The following ACSM3 variants were observed in gnomAD, a reference collection of about 807,000 sequenced individuals.
The protein encoded by ACSM3 is acyl-CoA synthetase medium chain family member 3, also known as acyl-coenzyme A synthetase ACSM3, mitochondrial.
A neutral mutation model predicts 74.1 loss-of-function variants in ACSM3; 61 were observed. The observed-to-expected ratio is 0.82, with a 90% CI of 0.67 to 1.02. The LOEUF is 1.02. Ranked by LOEUF, ACSM3 falls within the 50% of genes least tolerant of loss-of-function variation. The pLI, the probability that ACSM3 is intolerant of heterozygous loss-of-function variation, is 0.00. For missense variants in ACSM3, 660 were observed against 697.0 expected (o/e 0.95, Z 0.60); for synonymous variants, 213 against 241.5 (o/e 0.88, Z 1.09).
chr16:20,693,147 GCA>G (rs1185845570), intron 1 of ACSM3, among the ~76,000 whole-genome samples: 3 of 150,212 alleles, frequency 2.0e-5, no homozygotes, highest in Admixed American at 2.0e-4. Context: ...TGAAGCCTGG[GCA>G]ACAGAGCAAA....
At chr16:20,693,397 T>G (rs561878798) in intron 1 of ACSM3, among the ~76,000 whole-genome samples, 111 of 152,262 alleles carry the variant, frequency 7.3e-4, no homozygotes, top group Non-Finnish European at 1.4e-3. Flanking sequence ...TTCTTGAAGT[T>G]TGATTGGAAA....
chr16:20,775,955 A>G lies in ACSM3; in HGVS notation c.336A>G (p.Ser112=), dbSNP rs1342381671. The G allele has an allele frequency of 6.2e-7, 1 of 1,614,202 alleles. No homozygotes were observed. The highest frequency in any genetic ancestry group is 1.7e-5 in the Admixed American group (1 of 60,022). The part of the protein sequence containing the change: ...SLSRKFANIL[S]EACSLQRGDR... ...CCAGAAAATTTGCCAATATACTTTC[A>G]GAAGCCTGTTCCCTACAAAGAGGAG... Residue 112 remains serine (S), a synonymous_variant, in exon 3 of 14, where the codon TCA becomes TCG. Transcript: ENST00000289416.
chr16:20,786,902 G>A (rs1487192728), intron 9 of ACSM3, among the ~76,000 whole-genome samples: 1 of 152,126 alleles, frequency 6.6e-6, no homozygotes, highest in African/African-American at 2.4e-5. Flanking sequence ...AGGCAAGGGA[G>A]GTCAAGACCT....
At chr16:20,703,501 G>C (rs964333909) in intron 1 of ACSM3, 1 of 152,006 alleles carries the variant, frequency 6.6e-6, no homozygotes, top group African/African-American at 2.4e-5. Context: ...GCAGTGGTTT[G>C]TAGCTCTCCT....
intron 1 of ACSM3, among the ~76,000 whole-genome samples, chr16:20,712,078 C>G (rs1015345475): frequency 1.9e-4 from 29 of 152,042 alleles, no homozygotes; most frequent in Non-Finnish European, 7.4e-5. Flanking sequence ...AATATTTTAT[C>G]CTAAGTGAAC....
At chr16:20,713,919 C>T (rs933201259) in intron 1 of ACSM3, among the ~76,000 whole-genome samples, 1 of 152,126 alleles carries the variant, frequency 6.6e-6, no homozygotes, top group South Asian at 2.1e-4. Flanking sequence ...CAGAAGACTA[C>T]ACACGGCAAT....
intron 13 of ACSM3, 171 bp from the exon 14 acceptor site, chr16:20,796,715 A>C (rs2080730795): frequency 6.7e-7 from 1 of 1,486,252 alleles, no homozygotes. Context: ...ACTTAATATC[A>C]AGACAACTTT....
intron 2 of ACSM3, among the ~76,000 whole-genome samples, chr16:20,773,372 T>C (rs1278643483): frequency 3.3e-5 from 5 of 152,172 alleles, no homozygotes; most frequent in Non-Finnish European, 7.3e-5. Context: ...CTCTGATCTT[T>C]ATTATTTCTT....
rs2080734398 is a variant in ACSM3, at chr16:20,796,940, G to A, written c.1729G>A (p.Glu577Lys). The change falls in exon 14 of 14, where the codon GAA becomes AAA. Residue 577 changes from glutamate to lysine, a missense_variant. Coordinates refer to ENST00000289416, the MANE Select transcript of ACSM3 (RefSeq NM_005622.4). ...KTISGKTKRN[E>K]LRKKEWKTI ...TATCAGTGGGAAGACAAAAAGAAAT[G>A]AACTGAGGAAGAAAGAATGGAAGAC... The A allele has an allele frequency of 1.2e-6, 2 of 1,612,806 alleles. No individual in the cohort carries two copies. The highest frequency in any genetic ancestry group is 1.3e-5 in the African/African-American group (1 of 74,862).
At chr16:20,765,485 G>A (rs1346419514) in intron 1 of ACSM3, among the ~76,000 whole-genome samples, 1 of 152,128 alleles carries the variant, frequency 6.6e-6, no homozygotes, top group East Asian at 1.9e-4. Flanking sequence ...GTAGAGTATT[G>A]TATGGGAGCT....
chr16:20,715,733 C>T (rs2152383774), intron 1 of ACSM3, among the ~76,000 whole-genome samples: 1 of 152,210 alleles, frequency 6.6e-6, no homozygotes, highest in East Asian at 1.9e-4. Context: ...GAAATTAAGA[C>T]TACGATACAC....
chr16:20,682,362 C>A, intron 1 of ACSM3: 1 of 1,614,056 alleles, frequency 6.2e-7, no homozygotes, highest in East Asian at 2.2e-5. Flanking sequence ...ACCTCTGAGG[C>A]AAGGGCATCT....
intron 13 of ACSM3, 187 bp from the exon 14 acceptor site, chr16:20,796,699 G>A: frequency 6.8e-7 from 1 of 1,480,758 alleles, no homozygotes. Flanking sequence ...TGGACTCACA[G>A]TAAATACTTA....
chr16:20,741,223 C>T (rs560159666), intron 1 of ACSM3, among the ~76,000 whole-genome samples: 17 of 152,168 alleles, frequency 1.1e-4, no homozygotes, highest in Non-Finnish European at 2.2e-4. Flanking sequence ...CCAGCCTCGG[C>T]AACAGAGCGA....
chr16:20,741,454 C>G, intron 1 of ACSM3: 1 of 1,474,048 alleles, frequency 6.8e-7, no homozygotes, highest in Non-Finnish European at 9.0e-7. Context: ...CTCCACCCTT[C>G]CCTCCTCCCG....
At chr16:20,729,657 T>C (rs1316560401) in intron 1 of ACSM3, 2 of 206,238 alleles carry the variant, frequency 9.7e-6, no homozygotes, top group Non-Finnish European at 2.0e-5. Context: ...ATTCTCACTA[T>C]GAGGCATGCA....
intron 1 of ACSM3, among the ~76,000 whole-genome samples, chr16:20,730,140 G>T (rs2079821710): frequency 6.6e-6 from 1 of 152,134 alleles, no homozygotes; most frequent in South Asian, 2.1e-4. Flanking sequence ...TTGGAGGTAG[G>T]GGTTGGTGTC....
intron 4 of ACSM3, 62 bp from the exon 5 acceptor site, chr16:20,780,652 T>C: frequency 6.2e-7 from 1 of 1,613,784 alleles, no homozygotes; most frequent in Non-Finnish European, 8.5e-7. Context: ...TCAAAATTTT[T>C]CAGTGGTAAC....
chr16:20,702,300 C>T (rs2079714843), intron 1 of ACSM3, among the ~76,000 whole-genome samples: 1 of 152,228 alleles, frequency 6.6e-6, no homozygotes, highest in Non-Finnish European at 1.5e-5. Flanking sequence ...GCAACCTCCA[C>T]CTCCCAGGTT....
Sources: gnomAD v4.1 joint callset for allele counts (sites outside exome capture counted in the v4.1 genomes callset) on GRCh38, gnomAD v4.1.1 for gene constraint, MANE v1.5 for transcripts, NCBI Gene and HGNC (gene_info 2026-07-23, HGNC 2026-07-21) for gene names.